SBK1: variants seen among roughly 807,000 people sequenced by gnomAD.
The protein encoded by SBK1 is serine/threonine-protein kinase SBK1.
Under a neutral mutation model 24.4 loss-of-function variants are expected in SBK1, and 11 were observed. The observed-to-expected ratio is 0.45, with a 90% CI of 0.28 to 0.75. The LOEUF (loss-of-function observed/expected upper bound fraction) is 0.75. SBK1 is among the 30% of genes least tolerant of loss of function. SBK1 has a pLI of 0.12. For synonymous variants in SBK1, 308 were observed against 284.4 expected, an observed-to-expected ratio of 1.08 and a Z score of -0.83; for missense variants, 467 against 620.5, an observed-to-expected ratio of 0.75 and a Z score of 2.63.
chr16:28,280,194 T>C (rs1278945260), intron 1 of SBK1, among the ~76,000 whole-genome samples: 1 of 130,348 alleles, frequency 7.7e-6, no homozygotes, highest in Non-Finnish European at 1.7e-5. Flanking sequence ...CATATATATG[T>C]ACATATATGT....
rs1184425008 is a variant in SBK1 at position 28,322,931 on chromosome 16, C to CTCTCTCTCTCTCT, written c.*2010_*2011insTCTCTCTCTCTCT. Reference sequence around the variant, plus strand: ...CTCTCTCGCGCGCGCTCTCTCTCTCCCTCTCTCTCTCTCTCTCTCTCTCTC... The same window carrying CTCTCTCTCTCTCT: ...CTCTCTCGCGCGCGCTCTCTCTCTCCTCTCTCTCTCTCTCTCTCTCTCTCTCTCTCTCTCTCTC... On this transcript the variant is annotated 3_prime_UTR_variant, in exon 4 of 4. Coordinates refer to ENST00000341901, the MANE Select transcript of SBK1 (RefSeq NM_001024401.3). 9.0e-5 allele frequency: 5 copies of CTCTCTCTCTCTCT among 55,350 alleles called. No individual in the cohort carries two copies. The highest frequency in any genetic ancestry group is 1.6e-4 in the African/African-American group (2 of 12,188). The allele number at this position is 55,350 out of a possible 1,614,324, so 3.4% of individuals were successfully genotyped here. A position where few individuals can be genotyped will look rare whatever the true frequency, so the allele number is the denominator to read the frequency against.
chr16:28,277,601 G>A (rs2044502031), intron 1 of SBK1, among the ~76,000 whole-genome samples: 1 of 152,198 alleles, frequency 6.6e-6, no homozygotes, highest in Admixed American at 6.5e-5. Context: ...GGAAGCTGCA[G>A]TGAGCCATGA....
intron 1 of SBK1, among the ~76,000 whole-genome samples, chr16:28,268,889 T>G (rs1252178113): frequency 6.6e-6 from 1 of 152,182 alleles, no homozygotes; most frequent in Non-Finnish European, 1.5e-5. Context: ...GTGTCCCCAC[T>G]GTCCCCACTG....
At chr16:28,282,406 C>T (rs1282620766) in intron 1 of SBK1, among the ~76,000 whole-genome samples, 3 of 152,254 alleles carry the variant, frequency 2.0e-5, no homozygotes, top group African/African-American at 4.8e-5. Context: ...ACTCAGCTCC[C>T]GTCACCCCTC....
At chr16:28,300,035 T>C (rs2044668424) in intron 1 of SBK1, among the ~76,000 whole-genome samples, 1 of 152,224 alleles carries the variant, frequency 6.6e-6, no homozygotes, top group Non-Finnish European at 1.5e-5. Flanking sequence ...CCTTGCCTCT[T>C]TCCCGCTCTG....
intron 1 of SBK1, among the ~76,000 whole-genome samples, chr16:28,269,203 T>C (rs1009894604): frequency 2.0e-5 from 3 of 151,500 alleles, no homozygotes; most frequent in African/African-American, 7.3e-5. Flanking sequence ...CTGGCTCACT[T>C]TTGTATTTTT....
chr16:28,320,769 TTGCCCGTGCCGG>T lies in SBK1; in HGVS notation c.1128_1139del (p.Val387_Pro390del). The T allele has an allele frequency of 7.2e-7, 1 of 1,392,328 alleles. No individual in the cohort carries two copies. Among genetic ancestry groups the T allele is most frequent in the East Asian group, 3.8e-5 (1 of 26,060 alleles). The allele number at this position is 1,392,328 out of a possible 1,614,324, so 86.2% of individuals were successfully genotyped here. A position where few individuals can be genotyped will look rare whatever the true frequency, so the allele number is the denominator to read the frequency against. On this transcript the variant is annotated inframe_deletion, in exon 4 of 4. Transcript: ENST00000341901. This position sits in a 1 kb window ranked among gnomAD's most constrained non-coding sequence, Gnocchi z 8.5. Reference sequence around the variant, plus strand: ...GCCCCCCGCCGTCGGGTCGGTGCCCTTGCCCGTGCCGGTGCCGGTGCCAGTGCCCGTGCCGGT... The same window carrying T: ...GCCCCCCGCCGTCGGGTCGGTGCCCTTGCCGGTGCCAGTGCCCGTGCCGGT...
intron 1 of SBK1, among the ~76,000 whole-genome samples, chr16:28,265,122 GA>G (rs1032162490): frequency 2.6e-3 from 385 of 148,142 alleles, no homozygotes; most frequent in Non-Finnish European, 4.4e-3. Flanking sequence ...AAGTGAGAGA[GA>G]AAAAAAAAAT....
intron 1 of SBK1, among the ~76,000 whole-genome samples, chr16:28,296,163 C>T (rs968258051): frequency 2.7e-5 from 4 of 150,024 alleles, no homozygotes; most frequent in Admixed American, 1.3e-4. Flanking sequence ...GGCACAATCT[C>T]GGCTCGCTGC....
In SBK1 at chr16:28,317,718, G is replaced by C; in HGVS notation, c.226+101G>C. On this transcript the variant is annotated intron_variant, in intron 2 of 3. Transcript: ENST00000341901. The surrounding 1 kb of genome is among the most constrained non-coding windows in gnomAD (Gnocchi z 4.2). Reference sequence around the variant, plus strand: ...CCTTGCAGCTGGGCCGGGGCTCTCTGGTGCTCTGTGGAAGCCAGGAGGCAG... The same window carrying C: ...CCTTGCAGCTGGGCCGGGGCTCTCTCGTGCTCTGTGGAAGCCAGGAGGCAG... The C allele has an allele frequency of 1.2e-6, 1 of 803,416 alleles. No individual in the cohort carries two copies. The highest frequency in any genetic ancestry group is 2.1e-6 in the Non-Finnish European group (1 of 478,376). The allele number at this position is 803,416 out of a possible 1,614,324, so 49.8% of individuals were successfully genotyped here. A position where few individuals can be genotyped will look rare whatever the true frequency, so the allele number is the denominator to read the frequency against.
At chr16:28,299,969 C>T (rs1308596010) in intron 1 of SBK1, among the ~76,000 whole-genome samples, 1 of 152,240 alleles carries the variant, frequency 6.6e-6, no homozygotes, top group African/African-American at 2.4e-5. Context: ...GCCCGCCCAC[C>T]ACAATGCCTA....
intron 2 of SBK1, among the ~76,000 whole-genome samples, chr16:28,318,236 G>A (rs1247804831): frequency 1.3e-5 from 2 of 152,184 alleles, no homozygotes; most frequent in Admixed American, 6.5e-5. Context: ...GGTCACAGCC[G>A]TGCCACCCAG....
At chr16:28,313,952 TGCCCACCCGCCC>T (rs2044772504) in intron 1 of SBK1, among the ~76,000 whole-genome samples, 1 of 146,438 alleles carries the variant, frequency 6.8e-6, no homozygotes, top group Non-Finnish European at 1.5e-5. Context: ...CCTCCAGCAA[TGCCCACCCGCCC>T]GCCCACCCTT....
intron 1 of SBK1, among the ~76,000 whole-genome samples, chr16:28,267,902 C>T (rs1425830585): frequency 6.6e-6 from 1 of 152,158 alleles, no homozygotes; most frequent in Non-Finnish European, 1.5e-5. Flanking sequence ...AATCCCAGCG[C>T]TTTGGGAGGC....
At chr16:28,311,678 T>C (rs565454557) in intron 1 of SBK1, among the ~76,000 whole-genome samples, 1 of 149,166 alleles carries the variant, frequency 6.7e-6, no homozygotes, top group South Asian at 2.1e-4. Flanking sequence ...GCCTGGGCAA[T>C]AGAGCAAGAT....
intron 1 of SBK1, among the ~76,000 whole-genome samples, chr16:28,275,532 C>T (rs1015833450): frequency 9.9e-5 from 15 of 152,138 alleles, no homozygotes; most frequent in Admixed American, 7.2e-4. Context: ...TGGCTCAAGA[C>T]GTGGGTCAGG....
At position 28,264,390 on chromosome 16, in the gene SBK1, AC is replaced by A. The variant is rs1307818542; in HGVS notation, c.257+4889del. ...GGAGTTCAAGACCAGCCTGGCCAACACAGTGAAACCCCATCTCTACTAAAAA... is the reference window on the plus strand; with the variant it reads ...GGAGTTCAAGACCAGCCTGGCCAACAAGTGAAACCCCATCTCTACTAAAAA... On this transcript the variant is annotated intron_variant, in intron 1 of 3. Transcript: ENST00000671413. Among the ~76,000 whole-genome samples, 3 of 151,948 alleles carry A rather than the reference AC, an allele frequency of 2.0e-5. No homozygotes were observed. In the East Asian group the frequency reaches 5.9e-4, roughly 30 times the overall value.
At chr16:28,313,438 A>C (rs1567679442) in intron 1 of SBK1, among the ~76,000 whole-genome samples, 1 of 151,836 alleles carries the variant, frequency 6.6e-6, no homozygotes. Context: ...CTCTACAAAA[A>C]ATACAAAAAT....
At chr16:28,288,628 G>A (rs558862810), upstream of SBK1, among the ~76,000 whole-genome samples, 10 of 152,326 alleles carry the variant, frequency 6.6e-5, no homozygotes, top group East Asian at 1.2e-3. Flanking sequence ...GATGTGACCC[G>A]ACCCTTCAGT....
Sources: gnomAD v4.1 joint callset for allele counts (sites outside exome capture counted in the v4.1 genomes callset) on GRCh38, gnomAD v4.1.1 for gene constraint, Gnocchi (gnomAD v3.1) non-coding constraint, MANE v1.5 for transcripts, NCBI Gene and HGNC (gene_info 2026-07-23, HGNC 2026-07-21) for gene names.